The following CENPE variants were observed in gnomAD, a reference collection of about 807,000 sequenced individuals.
The protein encoded by CENPE is centromere protein E.
In CENPE, 145 loss-of-function variants were observed where a neutral mutation model predicts 336.1. The ratio of observed to expected loss-of-function variants is 0.43; its 90% CI spans 0.38 to 0.50. The LOEUF (loss-of-function observed/expected upper bound fraction) is 0.50, where lower values mean the gene tolerates loss of function less well. CENPE is among the 20% of genes least tolerant of loss of function. CENPE has a pLI of 0.00. For missense variants in CENPE, 2,719 were observed against 3,023.3 expected (o/e 0.90, Z 2.36); for synonymous variants, 1,013 against 984.8 (o/e 1.03, Z -0.54).
intron 46 of CENPE, among the ~76,000 whole-genome samples, chr4:103,112,796 A>G (rs1296740640): frequency 1.8e-5 from 1 of 56,412 alleles, no homozygotes; most frequent in African/African-American, 9.0e-5. Flanking sequence ...ATATATACTT[A>G]TAAGTATATA....
rs145340141 is a variant in CENPE, at chr4:103,159,167, G to A, written c.2444C>T (p.Thr815Ile). 1 of 1,612,238 alleles carries A rather than the reference G, an allele frequency of 6.2e-7. No homozygotes were observed. The highest frequency in any genetic ancestry group is 8.5e-7 in the Non-Finnish European group (1 of 1,179,126). ...TTTGAAATTTTGGAATTCTTGATCA[G>A]TGCTTTTATAATTCGACTGTGTAGT... ...LATTQSNYKS[T>I]DQEFQNFKTL... Residue 815 changes from threonine (T) to isoleucine (I), a missense_variant, in exon 22 of 49, where the codon ACT (threonine) becomes ATT (isoleucine). By Grantham distance (89) the Thr-to-Ile change is moderately conservative (BLOSUM62 -1). Coordinates refer to ENST00000265148, the MANE Select transcript of CENPE (RefSeq NM_001813.3).
chr4:103,147,466 CCTGA>C lies in CENPE; in HGVS notation c.4020_4023del (p.Ser1340ArgfsTer4). The C allele has an allele frequency of 6.2e-7, 1 of 1,614,016 alleles. No individual in the cohort carries two copies. Among genetic ancestry groups the C allele is most frequent in the Non-Finnish European group, 8.5e-7 (1 of 1,179,952 alleles). ...TCCTTGGTTAGAGATTTTATCTCTT[CCTGA>C]CTTTCTTGAAATTTTTCATTCAACC... On this transcript the variant is annotated frameshift_variant, in exon 29 of 49. Transcript: ENST00000265148. LOFTEE classifies it high-confidence loss of function.
chr4:103,127,448 AAAG>A (rs1360286472), intron 42 of CENPE, among the ~76,000 whole-genome samples: 6 of 152,164 alleles, frequency 3.9e-5, no homozygotes, highest in South Asian at 4.1e-4. Flanking sequence ...GAAATATTAA[AAAG>A]AAGTTCTTCA....
In CENPE at chr4:103,128,643, G is replaced by A. The variant is rs185583498; in HGVS notation, c.6924+4050C>T. On this transcript the variant is annotated intron_variant, in intron 42 of 48. Transcript: ENST00000265148. ...TCTAAATAACATACGGGTCACAGGA[G>A]AAATAAAGAGAAATTAAAATGTATT... Among the ~76,000 whole-genome samples the A allele has an allele frequency of 1.4e-3, 212 of 152,210 alleles. 4 individuals are homozygous for A. The highest frequency in any genetic ancestry group is 2.2e-4 in the Non-Finnish European group (15 of 67,998).
At chr4:103,154,462 T>G (rs536053689) in intron 24 of CENPE, among the ~76,000 whole-genome samples, 2 of 152,306 alleles carry the variant, frequency 1.3e-5, no homozygotes, top group South Asian at 4.1e-4. Flanking sequence ...TAAACTGTAC[T>G]TTATTTAGCA....
At chr4:103,179,805 A>G (rs1192486075) in intron 13 of CENPE, among the ~76,000 whole-genome samples, 1 of 152,192 alleles carries the variant, frequency 6.6e-6, no homozygotes, top group Admixed American at 6.5e-5. Flanking sequence ...CTTATCCATG[A>G]CACCCTCACA....
intron 47 of CENPE, 114 bp from the exon 48 acceptor site, chr4:103,109,203 A>G (rs1749173072): frequency 8.4e-6 from 7 of 829,118 alleles, no homozygotes. Flanking sequence ...ATAACATAAA[A>G]TGTACATTTT....
At chr4:103,197,924 T>G (rs1757861833) in intron 1 of CENPE, among the ~76,000 whole-genome samples, 2 of 152,176 alleles carry the variant, frequency 1.3e-5, no homozygotes. Context: ...AATGACTAAC[T>G]GTGATGAGGG....
At chr4:103,169,065 G>C (rs903970032) in intron 16 of CENPE, among the ~76,000 whole-genome samples, 1 of 151,898 alleles carries the variant, frequency 6.6e-6, no homozygotes, top group Non-Finnish European at 1.5e-5. Context: ...AGAAAACATA[G>C]AGAAACAATC....
chr4:103,189,351 C>T (rs1757092848), intron 8 of CENPE, among the ~76,000 whole-genome samples: 1 of 152,032 alleles, frequency 6.6e-6, no homozygotes, highest in Non-Finnish European at 1.5e-5. Context: ...AAGAGAATTT[C>T]AGACCAATAC....
intron 28 of CENPE, 75 bp from the exon 29 acceptor site, chr4:103,147,721 T>A: frequency 7.5e-7 from 1 of 1,325,788 alleles, no homozygotes; most frequent in Non-Finnish European, 1.0e-6. Flanking sequence ...TGAGACGGCA[T>A]CTCACTCTGT....
chr4:103,148,750 G>A (rs545194851), intron 28 of CENPE, 94 bp downstream of exon 28: 331 of 1,157,884 alleles, frequency 2.9e-4, no homozygotes, highest in Non-Finnish European at 3.9e-4. Flanking sequence ...GTCAATTAAT[G>A]AACCACATCC....
rs1002915860 is a variant in CENPE at position 103,182,301 on chromosome 4, G to C, written c.963+461C>G. ...AGACAGGGTTTCTCCATGTTGGTCA[G>C]GCTGGTTCCTTTCCTTTTTAAAATA... On this transcript the variant is annotated intron_variant, in intron 11 of 48. Coordinates refer to ENST00000265148, the MANE Select transcript of CENPE (RefSeq NM_001813.3). Among the ~76,000 whole-genome samples the C allele has an allele frequency of 1.3e-5, 2 of 152,178 alleles. 1 individual carries two copies. Among genetic ancestry groups the C allele is most frequent in the Admixed American group, 1.3e-4 (2 of 15,288 alleles).
chr4:103,151,230 G>A lies in CENPE; in HGVS notation c.3385C>T (p.Leu1129=). The A allele has an allele frequency of 6.3e-7, 1 of 1,590,156 alleles. No homozygotes were observed. The highest frequency in any genetic ancestry group is 8.5e-7 in the Non-Finnish European group (1 of 1,174,266). Residue 1129 remains leucine, a synonymous_variant, in exon 26 of 49, where the codon CTA becomes TTA. Transcript: ENST00000265148. The part of the protein sequence containing the change: ...CDRLAEVEEK[L]KEKSQQLQEK... ...CTTTAAAAATTCACCTTTTCCTTTA[G>A]TTTTTCTTCAACTTCTGCCAGTCTG...
chr4:103,145,012 C>T (rs1752891248), intron 32 of CENPE, 38 bp downstream of exon 32: 1 of 1,442,956 alleles, frequency 6.9e-7, no homozygotes, highest in Non-Finnish European at 9.2e-7. Flanking sequence ...AACACTATTT[C>T]TGTATCCAAA....
chr4:103,114,582 G>C (rs751001454), intron 45 of CENPE, 30 bp from the exon 46 acceptor site: 2 of 1,376,214 alleles, frequency 1.5e-6, no homozygotes, highest in East Asian at 4.6e-5. Context: ...TATGTAAAAA[G>C]CTCAGCAACT....
intron 16 of CENPE, among the ~76,000 whole-genome samples, chr4:103,171,545 A>G (rs1755411421): frequency 6.6e-6 from 1 of 151,968 alleles, no homozygotes; most frequent in Non-Finnish European, 1.5e-5. Flanking sequence ...AGTAATAAAC[A>G]TCTACATCAA....
chr4:103,187,499 T>C (rs1756887739), intron 8 of CENPE, among the ~76,000 whole-genome samples: 1 of 152,312 alleles, frequency 6.6e-6, no homozygotes, highest in East Asian at 1.9e-4. Context: ...ATATTCAACA[T>C]TCTTAAAGAA....
At position 103,159,020 on chromosome 4, in the gene CENPE, A is replaced by G; in HGVS notation, c.2591T>C (p.Leu864Ser). ...GCATCTTGTACCAACCTCGGTCTTC[A>G]AAGCACCCAAACTCGAATCAAATTT... The part of the protein sequence containing the change: ...AQKFDSSLGA[L>S]KTELSYKTQE... Residue 864 changes from leucine to serine, a missense_variant, in exon 22 of 49, where the codon TTG (leucine) becomes TCG (serine). Around this residue, in one of 5 missense-constraint regions of CENPE, gnomAD observed 2,437 missense variants for 2,513.3 expected, o/e 0.97. Coordinates refer to ENST00000265148, the MANE Select transcript of CENPE (RefSeq NM_001813.3). The G allele has an allele frequency of 6.5e-7, 1 of 1,532,750 alleles. No homozygotes were observed. The highest frequency in any genetic ancestry group is 1.3e-5 in the South Asian group (1 of 74,524). 94.9% of individuals were successfully genotyped at this position (1,532,750 alleles called of 1,614,324 possible). A position where few individuals can be genotyped will look rare whatever the true frequency, so the allele number is the denominator to read the frequency against.
Sources: gnomAD v4.1 joint callset for allele counts (sites outside exome capture counted in the v4.1 genomes callset) on GRCh38, gnomAD v4.1.1 for gene constraint, gnomAD v4.1.1 regional missense constraint, MANE v1.5 for transcripts, NCBI Gene and HGNC (gene_info 2026-07-23, HGNC 2026-07-21) for gene names.